FAM20B: variants seen among roughly 807,000 people sequenced by gnomAD.
FAM20B encodes the protein FAM20B glycosaminoglycan xylosylkinase, also known as glycosaminoglycan xylosylkinase.
In FAM20B, 23 loss-of-function variants were observed where a neutral mutation model predicts 43.8. That is an observed-to-expected ratio of 0.53 (90% confidence interval 0.38 to 0.74). The LOEUF is 0.74. Ranked by LOEUF, FAM20B falls within the 30% of genes least tolerant of loss-of-function variation. The pLI is 0.00. For missense variants in FAM20B, 440 were observed against 510.5 expected (o/e 0.86, Z 1.33); for synonymous variants, 178 against 192.4 (o/e 0.93, Z 0.62).
intron 2 of FAM20B, among the ~76,000 whole-genome samples, chr1:179,049,612 C>T (rs1650916562): frequency 6.6e-6 from 1 of 152,184 alleles, no homozygotes; most frequent in African/African-American, 2.4e-5. Context: ...ACAGTCTCGG[C>T]TCACTGCAAC....
At chr1:179,021,526 G>T (rs1318212069), upstream of FAM20B, among the ~76,000 whole-genome samples, 1 of 152,140 alleles carries the variant, frequency 6.6e-6, no homozygotes, top group Non-Finnish European at 1.5e-5. Context: ...AAGCGTATAT[G>T]CCACAACAAA....
At chr1:179,056,711 A>G (rs1045871541) in intron 4 of FAM20B, among the ~76,000 whole-genome samples, 2 of 152,178 alleles carry the variant, frequency 1.3e-5, no homozygotes, top group Non-Finnish European at 2.9e-5. Context: ...GAAACTGCCA[A>G]ATTGTCTTCC....
At chr1:179,025,233 C>T (rs928792430), upstream of FAM20B, among the ~76,000 whole-genome samples, 3 of 152,210 alleles carry the variant, frequency 2.0e-5, no homozygotes, top group African/African-American at 7.2e-5. Context: ...CTGACCTGCC[C>T]TCATGGGGCT....
At chr1:179,062,245 G>T (rs146230041) in intron 4 of FAM20B, among the ~76,000 whole-genome samples, 5 of 152,126 alleles carry the variant, frequency 3.3e-5, no homozygotes, top group Admixed American at 2.6e-4. Context: ...TACTTCCTGG[G>T]TGTCATTGTT....
At chr1:179,030,112 A>G (rs965755725) in intron 1 of FAM20B, among the ~76,000 whole-genome samples, 8 of 152,120 alleles carry the variant, frequency 5.3e-5, no homozygotes, top group Non-Finnish European at 8.8e-5. Context: ...GAGCTTCCTG[A>G]CATTGAATGT....
upstream of FAM20B, among the ~76,000 whole-genome samples, chr1:179,025,523 G>A (rs551141904): frequency 6.6e-6 from 1 of 152,244 alleles, no homozygotes; most frequent in East Asian, 1.9e-4. Context: ...CTAGGGGACC[G>A]CAACTCTCCA....
At position 179,072,184 on chromosome 1, in the gene FAM20B, T is replaced by G. The variant is rs780929375; in HGVS notation, c.*40T>G. ...TAAGTGAAACTTCTTTTTACAAAGA[T>G]AGAGAAACAGCACAATCAATTCCAA... On this transcript the variant is annotated 3_prime_UTR_variant, in exon 8 of 8. Coordinates refer to ENST00000263733, the MANE Select transcript of FAM20B (RefSeq NM_014864.4). 1 of 1,470,618 alleles carries G rather than the reference T, an allele frequency of 6.8e-7. No individual in the cohort carries two copies. The highest frequency in any genetic ancestry group is 1.7e-4 in the Middle Eastern group (1 of 5,822). The allele number at this position is 1,470,618 out of a possible 1,614,324, so 91.1% of individuals were successfully genotyped here. A position where few individuals can be genotyped will look rare whatever the true frequency, so the allele number is the denominator to read the frequency against.
chr1:179,038,923 G>A (rs1650362619), intron 1 of FAM20B, among the ~76,000 whole-genome samples: 1 of 152,216 alleles, frequency 6.6e-6, no homozygotes, highest in Admixed American at 6.5e-5. Context: ...GAAAAGGAGT[G>A]GTTAATCACT....
At position 179,064,188 on chromosome 1, in the gene FAM20B, T is replaced by C. The variant is rs1398732078; in HGVS notation, c.746+90T>C. ...AGGAGCCAGCAGTTCTGTCCAAGAG[T>C]GAAAAGAACTGTGGAGTCAGGGGCA... On this transcript the variant is annotated intron_variant, in intron 5 of 7. Transcript: ENST00000263733. The C allele has an allele frequency of 5.6e-6, 8 of 1,422,374 alleles. No individual in the cohort carries two copies. In the Admixed American group the frequency reaches 1.6e-4, roughly 29 times the overall value. The allele number at this position is 1,422,374 out of a possible 1,614,324, so 88.1% of individuals were successfully genotyped here. A position where few individuals can be genotyped will look rare whatever the true frequency, so the allele number is the denominator to read the frequency against.
intron 4 of FAM20B, among the ~76,000 whole-genome samples, chr1:179,061,767 G>A (rs1651474646): frequency 6.6e-6 from 1 of 152,050 alleles, no homozygotes; most frequent in African/African-American, 2.4e-5. Flanking sequence ...TTGTCATTCT[G>A]TTGAAGGGTA....
chr1:179,041,735 G>A (rs978795046), intron 1 of FAM20B, among the ~76,000 whole-genome samples: 13 of 141,218 alleles, frequency 9.2e-5, no homozygotes, highest in Admixed American at 1.4e-4. Flanking sequence ...CGGGCCGGGA[G>A]AGGGAGACGG....
At chr1:179,048,871 A>G (rs1650884823) in intron 2 of FAM20B, among the ~76,000 whole-genome samples, 1 of 152,194 alleles carries the variant, frequency 6.6e-6, no homozygotes. Context: ...TTTATATTCT[A>G]AGGTCATTTA....
At position 179,061,011 on chromosome 1, in the gene FAM20B, G is replaced by A. The variant is rs77613390; in HGVS notation, c.575-2916G>A. Among the ~76,000 whole-genome samples, 619 of 151,090 alleles carry A rather than the reference G, an allele frequency of 4.1e-3. 2 individuals carry two copies. The highest frequency in any genetic ancestry group is 0.014 in the African/African-American group (593 of 41,214). On this transcript the variant is annotated intron_variant, in intron 4 of 7. Transcript: ENST00000263733. ...CTGCTGTGTCATTGGTCTTACTGAC[G>A]TATAGGAGTTCATCCCTAGGGCATA... is the stretch of plus-strand genomic sequence containing the variant.
intron 3 of FAM20B, among the ~76,000 whole-genome samples, chr1:179,053,302 A>G (rs948201798): frequency 1.1e-4 from 17 of 152,044 alleles, no homozygotes; most frequent in African/African-American, 4.1e-4. Flanking sequence ...TTCCCAATCT[A>G]GGCTGCGTTT....
intron 4 of FAM20B, among the ~76,000 whole-genome samples, chr1:179,062,181 T>C (rs1245553696): frequency 6.6e-6 from 1 of 152,202 alleles, no homozygotes; most frequent in Non-Finnish European, 1.5e-5. Flanking sequence ...TTCCTTTTAA[T>C]GTGGTACTAA....
At chr1:179,052,369 A>C (rs959377915) in intron 3 of FAM20B, among the ~76,000 whole-genome samples, 8 of 152,176 alleles carry the variant, frequency 5.3e-5, no homozygotes, top group Non-Finnish European at 1.5e-5. Flanking sequence ...AAAATGGCAA[A>C]GCTTAAAAAA....
At position 179,064,320 on chromosome 1, in the gene FAM20B, G is replaced by A. The variant is rs761046746; in HGVS notation, c.762G>A (p.Glu254=). ...TTGTCTCCAGGTGGGAGTATGATGA[G>A]AGCTACTGTGATGCTGTGAAGAAAA... is the stretch of plus-strand genomic sequence containing the variant. ...EGKLARWEYD[E]SYCDAVKKTS... Residue 254 remains glutamate (E), a synonymous_variant, in exon 6 of 8, where the codon GAG becomes GAA. Transcript: ENST00000263733. The A allele has an allele frequency of 1.1e-5, 18 of 1,610,052 alleles. No homozygotes were observed. The South Asian group carries it at 2.0e-4, about 18-fold the overall frequency.
rs1246177937 is a variant in FAM20B at position 179,064,324 on chromosome 1, T to C, written c.766T>C (p.Tyr256His). Residue 256 changes from tyrosine to histidine, a missense_variant, in exon 6 of 8, where the codon TAC becomes CAC. Coordinates refer to ENST00000263733, the MANE Select transcript of FAM20B (RefSeq NM_014864.4). ...KLARWEYDES[Y>H]CDAVKKTSPY... ...CTCCAGGTGGGAGTATGATGAGAGC[T>C]ACTGTGATGCTGTGAAGAAAACGTC... 1 of 1,611,132 alleles carries C rather than the reference T, an allele frequency of 6.2e-7. No individual in the cohort carries two copies. Among genetic ancestry groups the C allele is most frequent in the African/African-American group, 1.3e-5 (1 of 74,850 alleles).
chr1:179,045,864 A>G (rs1266967980), intron 2 of FAM20B, among the ~76,000 whole-genome samples: 1 of 151,892 alleles, frequency 6.6e-6, no homozygotes, highest in Non-Finnish European at 1.5e-5. Flanking sequence ...ACTGCCCTCC[A>G]GCCTGGGTGA....
Sources: gnomAD v4.1 joint callset for allele counts (sites outside exome capture counted in the v4.1 genomes callset) on GRCh38, gnomAD v4.1.1 for gene constraint, MANE v1.5 for transcripts, NCBI Gene and HGNC (gene_info 2026-07-23, HGNC 2026-07-21) for gene names.